CFAP206: variants seen among roughly 807,000 people sequenced by gnomAD.
CFAP206 encodes the protein cilia- and flagella-associated protein 206.
A neutral mutation model predicts 65.4 loss-of-function variants in CFAP206; 53 were observed. The observed-to-expected ratio is 0.81, with a 90% CI of 0.65 to 1.02. The LOEUF (loss-of-function observed/expected upper bound fraction) is 1.02, where lower values mean the gene tolerates loss of function less well. Ranked by LOEUF, CFAP206 falls within the 50% of genes least tolerant of loss-of-function variation. CFAP206 has a pLI of 0.00. For missense variants in CFAP206, 663 were observed against 753.2 expected, an observed-to-expected ratio of 0.88 and a Z score of 1.40; for synonymous variants, 250 against 254.4, an observed-to-expected ratio of 0.98 and a Z score of 0.17.
intron 11 of CFAP206, among the ~76,000 whole-genome samples, chr6:87,444,185 A>G (rs957107959): frequency 3.3e-5 from 5 of 152,196 alleles, no homozygotes; most frequent in African/African-American, 1.2e-4. Flanking sequence ...AATTCCTAGT[A>G]GGAAAACATT....
At chr6:87,424,900 C>T (rs1215329016) in intron 7 of CFAP206, among the ~76,000 whole-genome samples, 1 of 152,126 alleles carries the variant, frequency 6.6e-6, no homozygotes, top group Non-Finnish European at 1.5e-5. Context: ...TACACACAAA[C>T]CTGTATATCC....
At chr6:87,416,978 A>C (rs962625449) in intron 6 of CFAP206, 151 bp downstream of exon 6, 25 of 685,294 alleles carry the variant, frequency 3.6e-5, no homozygotes, top group Non-Finnish European at 5.4e-5. Context: ...ACTGTTTATA[A>C]TGTGTAGTGA....
At chr6:87,458,908 A>C (rs1011200755) in intron 11 of CFAP206, among the ~76,000 whole-genome samples, 3 of 152,100 alleles carry the variant, frequency 2.0e-5, no homozygotes, top group Admixed American at 2.0e-4. Flanking sequence ...CCTGTATCAA[A>C]ATCTCTCATG....
In CFAP206 at chr6:87,444,973, A is replaced by T. The variant is rs16879362; in HGVS notation, c.1494+9920A>T. On this transcript the variant is annotated intron_variant, in intron 11 of 12. Coordinates refer to ENST00000369562, the MANE Select transcript of CFAP206 (RefSeq NM_001031743.3). ...TGGCTCTGTTACAATATCAGATGGC[A>T]GCATTTGGCTTCTGTAATTCGTTGA... is the stretch of plus-strand genomic sequence containing the variant. 1,445 of 526,392 alleles carry T rather than the reference A, an allele frequency of 2.7e-3. 24 individuals are homozygous for T. Among genetic ancestry groups the T allele is most frequent in the African/African-American group, 0.025 (1,308 of 52,182 alleles). 32.6% of individuals were successfully genotyped at this position (526,392 alleles called of 1,614,324 possible).
chr6:87,413,872 C>T lies in CFAP206; in HGVS notation c.255C>T (p.Val85=), dbSNP rs1208566327. Reference sequence around the variant, plus strand: ...CCCTGGACACTATTAAGATGCAAGTCTACTTCGATATGAATTATACGAATC... The same window carrying T: ...CCCTGGACACTATTAAGATGCAAGTTTACTTCGATATGAATTATACGAATC... The part of the protein sequence containing the change: ...NPSLDTIKMQ[V]YFDMNYTNRV... The change falls in exon 4 of 13, where the codon GTC becomes GTT. Residue 85 remains valine, a synonymous_variant. Transcript: ENST00000369562. 1.9e-6 allele frequency: 3 copies of T among 1,551,358 alleles called. No individual in the cohort carries two copies. The Admixed American group carries it at 6.6e-5, about 34-fold the overall frequency.
At chr6:87,458,715 G>T (rs1768692823) in intron 11 of CFAP206, among the ~76,000 whole-genome samples, 1 of 152,072 alleles carries the variant, frequency 6.6e-6, no homozygotes, top group South Asian at 2.1e-4. Context: ...CAAAAATATA[G>T]TTAAATAAAA....
chr6:87,443,767 C>T (rs973284572), intron 11 of CFAP206, among the ~76,000 whole-genome samples: 3 of 152,022 alleles, frequency 2.0e-5, no homozygotes, highest in African/African-American at 7.2e-5. Flanking sequence ...CAGCCCTTGC[C>T]CTCCTCTCTC....
At chr6:87,449,944 T>A (rs566004956) in intron 11 of CFAP206, among the ~76,000 whole-genome samples, 1 of 152,362 alleles carries the variant, frequency 6.6e-6, no homozygotes, top group African/African-American at 2.4e-5. Flanking sequence ...CTTCCAGTAG[T>A]TTCATAATTT....
chr6:87,420,876 T>C (rs897467538), intron 7 of CFAP206, among the ~76,000 whole-genome samples: 5 of 152,210 alleles, frequency 3.3e-5, no homozygotes, highest in African/African-American at 7.2e-5. Flanking sequence ...CAGGATGAGT[T>C]TTCTTAACTT....
chr6:87,462,492 C>T (rs1768764925), intron 12 of CFAP206, among the ~76,000 whole-genome samples: 1 of 152,166 alleles, frequency 6.6e-6, no homozygotes, highest in Non-Finnish European at 1.5e-5. Context: ...CTACTTTGTT[C>T]TAGCAAGTGA....
intron 11 of CFAP206, among the ~76,000 whole-genome samples, chr6:87,447,411 A>G (rs141458442): frequency 2.1e-4 from 32 of 151,582 alleles, no homozygotes; most frequent in African/African-American, 6.0e-4. Flanking sequence ...GTTGAATTCT[A>G]CGGAATTCAA....
At chr6:87,412,314 G>A (rs1045734727) in intron 3 of CFAP206, among the ~76,000 whole-genome samples, 1 of 152,120 alleles carries the variant, frequency 6.6e-6, no homozygotes, top group African/African-American at 2.4e-5. Flanking sequence ...CCTCAGTCTT[G>A]CATTCTCCCC....
At chr6:87,454,955 C>T (rs141207381) in intron 11 of CFAP206, among the ~76,000 whole-genome samples, 5 of 151,170 alleles carry the variant, frequency 3.3e-5, no homozygotes, top group Admixed American at 6.6e-5. Flanking sequence ...TGGAGTCTCC[C>T]TCTGTCGCCC....
intron 9 of CFAP206, among the ~76,000 whole-genome samples, chr6:87,429,207 A>T (rs1724881875): frequency 6.6e-6 from 1 of 151,714 alleles, no homozygotes; most frequent in Admixed American, 6.6e-5. Context: ...AGCCTGGGTG[A>T]CAGAGTGAGA....
intron 9 of CFAP206, 75 bp from the exon 10 acceptor site, chr6:87,430,958 G>A: frequency 7.3e-7 from 1 of 1,362,046 alleles, no homozygotes. Flanking sequence ...TGTTTAGAAT[G>A]AGCTACTGCT....
At chr6:87,427,708 C>T (rs1237645937) in intron 8 of CFAP206, among the ~76,000 whole-genome samples, 2 of 152,024 alleles carry the variant, frequency 1.3e-5, no homozygotes, top group Non-Finnish European at 2.9e-5. Flanking sequence ...ATGATTTGGC[C>T]AGAAAAAATC....
At chr6:87,415,655 T>C in intron 4 of CFAP206, 31 bp from the exon 5 acceptor site, 1 of 1,576,844 alleles carries the variant, frequency 6.3e-7, no homozygotes. Flanking sequence ...AAAAATTAAA[T>C]ATATAGAACA....
chr6:87,415,068 G>A (rs1042931070), intron 4 of CFAP206, among the ~76,000 whole-genome samples: 2 of 152,020 alleles, frequency 1.3e-5, no homozygotes, highest in Non-Finnish European at 2.9e-5. Flanking sequence ...ACAACTCAGG[G>A]AACATAGTGT....
In CFAP206 at chr6:87,460,789, A is replaced by T. The variant is rs1001947538; in HGVS notation, c.1495-233A>T. On this transcript the variant is annotated intron_variant, in intron 11 of 12. Transcript: ENST00000369562. The stretch of plus-strand genomic sequence containing the variant: ...CCCCCTTGAATCTAAAATAAAAGTT[A>T]AAAAAAAACACCCCCTACATTAACA... Among the ~76,000 whole-genome samples the T allele has an allele frequency of 1.7e-4, 26 of 150,772 alleles. 2 individuals are homozygous for T. Among genetic ancestry groups the T allele is most frequent in the African/African-American group, 6.1e-4 (25 of 41,220 alleles).
Sources: allele counts gnomAD v4.1 joint callset (sites outside exome capture counted in the v4.1 genomes callset), GRCh38; gene constraint gnomAD v4.1.1; transcripts MANE v1.5; gene names NCBI Gene and HGNC (gene_info 2026-07-23, HGNC 2026-07-21).